The following GRIK2 variants were observed in gnomAD, a reference collection of about 807,000 sequenced individuals.
The protein encoded by GRIK2 is glutamate ionotropic receptor kainate type subunit 2, also known as glutamate receptor ionotropic, kainate 2.
GRIK2 carries 32 observed loss-of-function variants against 100.3 expected under a neutral mutation model. The ratio of observed to expected loss-of-function variants is 0.32; its 90% CI spans 0.24 to 0.43. GRIK2 has a LOEUF of 0.43. GRIK2 is among the 20% of genes least tolerant of loss of function. The pLI is 1.00. For missense variants in GRIK2, 843 were observed against 1,114.9 expected, an observed-to-expected ratio of 0.76 and a Z score of 3.47; for synonymous variants, 417 against 389.4, an observed-to-expected ratio of 1.07 and a Z score of -0.83.
In GRIK2 at chr6:101,618,983, A is replaced by G. The variant is rs80229296; in HGVS notation, c.116-2966A>G. 5.6e-3 allele frequency among the ~76,000 whole-genome samples: 832 copies of G among 148,880 alleles called. 6 individuals carry two copies. The highest frequency in any genetic ancestry group is 0.02 in the African/African-American group (790 of 40,512). On this transcript the variant is annotated intron_variant, in intron 2 of 16. Transcript: ENST00000369134. ...TATTTTTAAATAAAAATAATTATCA[A>G]TTGCATTTATACTATCTAGTATGGT... is the stretch of plus-strand genomic sequence containing the variant.
At chr6:101,468,045 C>T (rs1185352767) in intron 2 of GRIK2, among the ~76,000 whole-genome samples, 2 of 152,012 alleles carry the variant, frequency 1.3e-5, no homozygotes, top group African/African-American at 4.8e-5. Context: ...TAAGGAGATC[C>T]CAGAAAGTAG....
intron 14 of GRIK2, among the ~76,000 whole-genome samples, chr6:101,976,199 G>A (rs1023583609): frequency 6.6e-6 from 1 of 151,798 alleles, no homozygotes; most frequent in Non-Finnish European, 1.5e-5. Flanking sequence ...TAAACATAGG[G>A]CAATTTTGAA....
intron 4 of GRIK2, among the ~76,000 whole-genome samples, chr6:101,665,689 T>C (rs1249067937): frequency 2.0e-5 from 3 of 152,172 alleles, no homozygotes; most frequent in African/African-American, 7.2e-5. Context: ...TTAGAATCCA[T>C]TTGAGAGACT....
chr6:101,862,233 GA>G (rs1231790314), intron 11 of GRIK2, among the ~76,000 whole-genome samples: 2 of 151,684 alleles, frequency 1.3e-5, no homozygotes, highest in African/African-American at 4.8e-5. Flanking sequence ...TTGTAGATAG[GA>G]AAAAAAGTCT....
At chr6:101,421,603 G>A (rs74639122) in intron 2 of GRIK2, among the ~76,000 whole-genome samples, 2,888 of 152,210 alleles carry the variant, frequency 0.019, 88 homozygotes, top group African/African-American at 0.065. Flanking sequence ...ATTGAGTAAT[G>A]TCTTAAAGTC....
chr6:102,061,171 T>C (rs1249232570), intron 16 of GRIK2, among the ~76,000 whole-genome samples: 2 of 150,650 alleles, frequency 1.3e-5, no homozygotes, highest in Non-Finnish European at 3.0e-5. Flanking sequence ...TTTAGGTCAT[T>C]TGTTTATGAT....
chr6:102,013,991 T>G (rs1182328286), intron 14 of GRIK2, among the ~76,000 whole-genome samples: 1 of 147,666 alleles, frequency 6.8e-6, no homozygotes, highest in Non-Finnish European at 1.5e-5. Context: ...TTGAAATAGT[T>G]TCAGTAGGAA....
intron 2 of GRIK2, among the ~76,000 whole-genome samples, chr6:101,614,342 A>T (rs1779805687): frequency 6.6e-6 from 1 of 151,722 alleles, no homozygotes; most frequent in South Asian, 2.1e-4. Context: ...AGTTCAAACA[A>T]TTGTATAAAT....
chr6:101,796,008 T>C (rs2128411431), intron 7 of GRIK2, among the ~76,000 whole-genome samples: 1 of 152,352 alleles, frequency 6.6e-6, no homozygotes, highest in Admixed American at 6.5e-5. Flanking sequence ...ATTCAAGTGC[T>C]TGTTGACATT....
At chr6:101,815,448 TATAATTAGAA>T (rs1324835163) in intron 9 of GRIK2, among the ~76,000 whole-genome samples, 6 of 152,122 alleles carry the variant, frequency 3.9e-5, no homozygotes, top group Non-Finnish European at 8.8e-5. Context: ...ATTGAATCCT[TATAATTAGAA>T]TGGCCCTATA....
At chr6:101,464,628 C>T (rs1771540162) in intron 2 of GRIK2, among the ~76,000 whole-genome samples, 1 of 149,700 alleles carries the variant, frequency 6.7e-6, no homozygotes, top group Non-Finnish European at 1.5e-5. Context: ...GCCATTCTCC[C>T]GCCTCAGCCT....
At chr6:101,692,035 G>T (rs570764220) in intron 7 of GRIK2, among the ~76,000 whole-genome samples, 1 of 43,936 alleles carries the variant, frequency 2.3e-5, no homozygotes. Context: ...GTAACACCCC[G>T]TCTCAAAAAA....
chr6:101,923,947 A>AAAC (rs1554287229), intron 12 of GRIK2, among the ~76,000 whole-genome samples: 2 of 146,826 alleles, frequency 1.4e-5, no homozygotes, highest in Admixed American at 7.1e-5. Context: ...AAAAAAAAAA[A>AAAC]CCACAACGCT....
chr6:101,481,217 A>T (rs1284201910), intron 2 of GRIK2, among the ~76,000 whole-genome samples: 2 of 152,124 alleles, frequency 1.3e-5, no homozygotes, highest in Non-Finnish European at 2.9e-5. Flanking sequence ...ATTATTTTTG[A>T]AACCTGTTTT....
chr6:101,752,399 C>A (rs1776848414), intron 7 of GRIK2, among the ~76,000 whole-genome samples: 1 of 152,108 alleles, frequency 6.6e-6, no homozygotes, highest in Admixed American at 6.5e-5. Context: ...AGCTTGGTTT[C>A]TTTCGGTGGG....
At chr6:101,974,475 T>TACAC (rs1289456462) in intron 14 of GRIK2, among the ~76,000 whole-genome samples, 2 of 151,934 alleles carry the variant, frequency 1.3e-5, no homozygotes, top group African/African-American at 4.8e-5. Context: ...AAACAGAACA[T>TACAC]ACACACACAT....
At chr6:101,481,825 G>A (rs1772547109) in intron 2 of GRIK2, among the ~76,000 whole-genome samples, 1 of 152,114 alleles carries the variant, frequency 6.6e-6, no homozygotes, top group Admixed American at 6.6e-5. Flanking sequence ...TCAAGGGGAG[G>A]CCAGGTGGAG....
At chr6:101,400,150 G>T (rs1775215249) in intron 2 of GRIK2, among the ~76,000 whole-genome samples, 1 of 152,172 alleles carries the variant, frequency 6.6e-6, no homozygotes, top group African/African-American at 2.4e-5. Context: ...CGGTGGGGAA[G>T]AGTAGTTGTT....
At chr6:101,675,299 A>G (rs1770746213) in intron 4 of GRIK2, among the ~76,000 whole-genome samples, 2 of 83,298 alleles carry the variant, frequency 2.4e-5, no homozygotes, top group African/African-American at 7.1e-5. Flanking sequence ...ACGCAGACAC[A>G]CACACACCAC....
Sources: gnomAD v4.1 joint callset for allele counts (sites outside exome capture counted in the v4.1 genomes callset) on GRCh38, gnomAD v4.1.1 for gene constraint, MANE v1.5 for transcripts, NCBI Gene and HGNC (gene_info 2026-07-23, HGNC 2026-07-21) for gene names.